The following HMCN2 variants were observed in gnomAD, a reference collection of about 807,000 sequenced individuals.
HMCN2 encodes hemicentin-2.
In HMCN2, 325 loss-of-function variants were observed where a neutral mutation model predicts 377.5. The observed-to-expected ratio is 0.86, with a 90% CI of 0.79 to 0.94. The LOEUF is 0.94. Among genes scored for constraint, HMCN2 ranks in the 40% least tolerant of loss-of-function variants. The pLI is 0.00. For synonymous variants in HMCN2, 2,007 were observed against 2,046.8 expected (o/e 0.98, Z 0.53); for missense variants, 4,543 against 4,725.3 (o/e 0.96, Z 1.13).
At chr9:130,296,591 T>G in intron 6 of HMCN2, 83 bp from the exon 7 acceptor site, 4 of 435,256 alleles carry the variant, frequency 9.2e-6, no homozygotes, top group Middle Eastern at 3.5e-4. Flanking sequence ...GATGCAGGGC[T>G]GGGTCAGGTT....
intron 16 of HMCN2, among the ~76,000 whole-genome samples, chr9:130,320,048 C>T (rs1246402610): frequency 6.6e-6 from 1 of 152,178 alleles, no homozygotes; most frequent in African/African-American, 2.4e-5. Flanking sequence ...GCCTACCCTA[C>T]CACCCACTCT....
chr9:130,348,490 G>T (rs923092842), intron 26 of HMCN2, 55 bp from the exon 27 acceptor site: 2 of 1,290,244 alleles, frequency 1.6e-6, no homozygotes, highest in Admixed American at 4.6e-5. Flanking sequence ...AGGTCCCTTC[G>T]GCTGTGGCTC....
chr9:130,427,409 G>A (rs1294789602), intron 91 of HMCN2, 34 bp downstream of exon 91: 2 of 1,550,560 alleles, frequency 1.3e-6, no homozygotes, highest in Admixed American at 2.0e-5. Context: ...GGATGTGGGA[G>A]GCCTCTCAGC....
intron 49 of HMCN2, among the ~76,000 whole-genome samples, 157 bp downstream of exon 49, chr9:130,374,850 G>T (rs1021939000): frequency 6.6e-6 from 1 of 152,326 alleles, no homozygotes; most frequent in Admixed American, 6.5e-5. Context: ...TCTATTGACG[G>T]AACATTTATT....
intron 4 of HMCN2, among the ~76,000 whole-genome samples, chr9:130,292,672 A>G (rs1209104505): frequency 6.6e-6 from 1 of 152,174 alleles, no homozygotes; most frequent in Non-Finnish European, 1.5e-5. Context: ...CACAGTTATT[A>G]TTCTCTTTTG....
chr9:130,335,724 C>G (rs1029191057), intron 22 of HMCN2, among the ~76,000 whole-genome samples: 1 of 151,994 alleles, frequency 6.6e-6, no homozygotes, highest in Admixed American at 6.6e-5. Context: ...GTCCTTGGCT[C>G]GAGGTCAGCC....
At chr9:130,274,305 C>T (rs1327239878) in intron 1 of HMCN2, among the ~76,000 whole-genome samples, 1 of 152,216 alleles carries the variant, frequency 6.6e-6, no homozygotes, top group Non-Finnish European at 1.5e-5. Context: ...ATCTGCCCAC[C>T]TCAGCCTCCC....
At chr9:130,391,672 G>C in intron 65 of HMCN2, 98 bp downstream of exon 65, 1 of 967,394 alleles carries the variant, frequency 1.0e-6, no homozygotes, top group African/African-American at 1.8e-5. Flanking sequence ...CTGGGCCACG[G>C]GTCTCACTTC....
intron 49 of HMCN2, among the ~76,000 whole-genome samples, chr9:130,375,037 A>G (rs866459760): frequency 2.6e-5 from 4 of 152,336 alleles, no homozygotes; most frequent in Middle Eastern, 3.4e-3. Flanking sequence ...TCCTGAGGAC[A>G]ATACATACCT....
chr9:130,278,085 C>T (rs1191017143), intron 1 of HMCN2, among the ~76,000 whole-genome samples: 1 of 152,034 alleles, frequency 6.6e-6, no homozygotes, highest in Non-Finnish European at 1.5e-5. Context: ...TCATCATCAC[C>T]ACCACCACTA....
Position 130,387,960 on chromosome 9 carries a change from T to C in HMCN2, c.9392-449T>C, listed in dbSNP as rs572746474. Reference sequence around the variant, plus strand: ...ACAAGAAAGGGACTGACACCAGGCTTGCTGCTCAAAGCTCCCAGCCCTTTC... The same window carrying C: ...ACAAGAAAGGGACTGACACCAGGCTCGCTGCTCAAAGCTCCCAGCCCTTTC... On this transcript the variant is annotated intron_variant, in intron 61 of 97. Transcript: ENST00000683500. Among the ~76,000 whole-genome samples, 23 of 152,334 alleles carry C rather than the reference T, an allele frequency of 1.5e-4. No individual in the cohort carries two copies. The East Asian group carries it at 4.0e-3, about 27-fold the overall frequency.
chr9:130,406,194 G>A (rs771654837), intron 82 of HMCN2, 26 bp downstream of exon 82: 12 of 1,288,424 alleles, frequency 9.3e-6, no homozygotes, highest in East Asian at 5.6e-5. Flanking sequence ...GCATGGGTGG[G>A]ACAGAGAGCC....
chr9:130,299,168 T>TG lies in HMCN2; in HGVS notation c.1160dup (p.Gly388ArgfsTer21). ...CTCCAATGGCTCCACCCATCAGCTG[T>TG]GGGGCGGGCCGCCCTTCCACACCCC... On this transcript the variant is annotated frameshift_variant, in exon 8 of 98. Coordinates refer to ENST00000683500, the MANE Select transcript of HMCN2 (RefSeq NM_001291815.2). LOFTEE classifies it high-confidence loss of function. 2.1e-6 allele frequency: 1 copy of TG among 471,048 alleles called. No individual in the cohort carries two copies. Among genetic ancestry groups the TG allele is most frequent in the Non-Finnish European group, 4.4e-6 (1 of 226,984 alleles). The allele number at this position is 471,048 out of a possible 1,614,324, so 29.2% of individuals were successfully genotyped here. A position where few individuals can be genotyped will look rare whatever the true frequency, so the allele number is the denominator to read the frequency against.
At position 130,382,886 on chromosome 9, in the gene HMCN2, C is replaced by T. The variant is rs1023938644; in HGVS notation, c.8733+20C>T. The T allele has an allele frequency of 6.7e-5, 66 of 984,892 alleles. No homozygotes were observed. The highest frequency in any genetic ancestry group is 1.0e-3 in the Middle Eastern group (2 of 1,912). The allele number at this position is 984,892 out of a possible 1,614,324, so 61.0% of individuals were successfully genotyped here. A position where few individuals can be genotyped will look rare whatever the true frequency, so the allele number is the denominator to read the frequency against. ...TTGCAGGTCAGGGCAGCCCCCTGCA[C>T]GGGCTAGGGGCAGTGGCTGCTGAGG... is the stretch of plus-strand genomic sequence containing the variant. On this transcript the variant is annotated intron_variant, in intron 56 of 97. Coordinates refer to ENST00000683500, the MANE Select transcript of HMCN2 (RefSeq NM_001291815.2).
rs1401383673 is a variant in HMCN2 at position 130,402,793 on chromosome 9, C to T, written c.11775C>T (p.Ala3925=). ...GSGYRVSPSG[A]LEIGQALPIH... ...CACCCTGATTCCCACCAACAGGCGC[C>T]CTGGAGATCGGGCAGGCCCTCCCCA... Residue 3925 remains alanine, a synonymous_variant, in exon 78 of 98, where the codon GCC becomes GCT. Transcript: ENST00000683500. The T allele has an allele frequency of 1.6e-6, 2 of 1,289,730 alleles. No individual in the cohort carries two copies. Among genetic ancestry groups the T allele is most frequent in the Non-Finnish European group, 1.0e-6 (1 of 988,808 alleles). The allele number at this position is 1,289,730 out of a possible 1,614,324, so 79.9% of individuals were successfully genotyped here.
Position 130,394,458 on chromosome 9 carries a change from C to T in HMCN2, c.10575C>T (p.Leu3525=). Residue 3525 remains leucine (L), a synonymous_variant, in exon 69 of 98, where the codon CTC becomes CTT. Coordinates refer to ENST00000683500, the MANE Select transcript of HMCN2 (RefSeq NM_001291815.2). The surrounding 1 kb of genome is among the most constrained non-coding windows in gnomAD (Gnocchi z 5.1). ...SLTPGAPMEL[L]CDAQGTPQPN... Reference sequence around the variant, plus strand: ...CCCCCGGCGCCCCCATGGAGCTCCTCTGTGATGCCCAGGGCACCCCCCAGC... The same window carrying T: ...CCCCCGGCGCCCCCATGGAGCTCCTTTGTGATGCCCAGGGCACCCCCCAGC... The T allele has an allele frequency of 1.6e-6, 2 of 1,289,850 alleles. No individual in the cohort carries two copies. Among genetic ancestry groups the T allele is most frequent in the Non-Finnish European group, 2.0e-6 (2 of 988,854 alleles). The allele number at this position is 1,289,850 out of a possible 1,614,324, so 79.9% of individuals were successfully genotyped here. A position where few individuals can be genotyped will look rare whatever the true frequency, so the allele number is the denominator to read the frequency against.
intron 3 of HMCN2, 38 bp from the exon 4 acceptor site, chr9:130,286,150 C>G (rs1835400200): frequency 2.1e-6 from 1 of 468,998 alleles, no homozygotes; most frequent in East Asian, 6.9e-5. Context: ...AGCAGCCGGC[C>G]AGGGAAGTCG....
At chr9:130,410,436 G>A (rs554552231) in intron 84 of HMCN2, 135 bp from the exon 85 acceptor site, 3 of 680,264 alleles carry the variant, frequency 4.4e-6, no homozygotes, top group Admixed American at 2.3e-5. Context: ...ATGCTCTGCG[G>A]GGGATCAGGT....
intron 43 of HMCN2, among the ~76,000 whole-genome samples, chr9:130,366,845 TG>T (rs1285027504): frequency 6.6e-6 from 1 of 152,112 alleles, no homozygotes; most frequent in African/African-American, 2.4e-5. Flanking sequence ...ACCCTCACAA[TG>T]GGGGCAGTCA....
Sources: allele counts gnomAD v4.1 joint callset (sites outside exome capture counted in the v4.1 genomes callset), GRCh38; gene constraint gnomAD v4.1.1; non-coding constraint Gnocchi (gnomAD v3.1); transcripts MANE v1.5; gene names NCBI Gene and HGNC (gene_info 2026-07-23, HGNC 2026-07-21).